RIN2: variants seen among roughly 807,000 people sequenced by gnomAD.
RIN2 encodes the protein Ras and Rab interactor 2.
RIN2 carries 36 observed loss-of-function variants against 78.0 expected under a neutral mutation model. That is an observed-to-expected ratio of 0.46 (90% confidence interval 0.35 to 0.61). RIN2 has a LOEUF of 0.61. RIN2 is among the 20% of genes least tolerant of loss of function. The pLI is 0.00. For synonymous variants in RIN2, 466 were observed against 466.8 expected (o/e 1.00, Z 0.02); for missense variants, 1,087 against 1,159.7 (o/e 0.94, Z 0.91).
intron 3 of RIN2, among the ~76,000 whole-genome samples, chr20:19,929,470 TC>T (rs2040358469): frequency 1.3e-5 from 2 of 152,166 alleles, no homozygotes; most frequent in Admixed American, 1.3e-4. Context: ...CAAGCGATTC[TC>T]CTCCCTCAGC....
chr20:19,875,890 G>C (rs1170112065), intron 2 of RIN2, among the ~76,000 whole-genome samples: 1 of 152,186 alleles, frequency 6.6e-6, no homozygotes, highest in Non-Finnish European at 1.5e-5. Flanking sequence ...TGAGTGCAGA[G>C]GATGGGAAGG....
intron 1 of RIN2, among the ~76,000 whole-genome samples, chr20:19,796,098 A>G (rs74702087): frequency 1.3e-5 from 2 of 151,690 alleles, no homozygotes; most frequent in Non-Finnish European, 2.9e-5. Context: ...AAAAAAAGAA[A>G]AGAAAAGAAA....
intron 1 of RIN2, among the ~76,000 whole-genome samples, chr20:19,771,468 A>G (rs1378058968): frequency 6.6e-6 from 1 of 152,000 alleles, no homozygotes; most frequent in African/African-American, 2.4e-5. Context: ...CCCGAACTCA[A>G]CCCCAACCCC....
chr20:19,898,319 G>A (rs2038829707), intron 3 of RIN2, among the ~76,000 whole-genome samples: 1 of 152,152 alleles, frequency 6.6e-6, no homozygotes, highest in Admixed American at 6.5e-5. Flanking sequence ...TCCCCTCAAT[G>A]ATGTATTTCT....
Position 19,937,437 on chromosome 20 carries a change from T to A in RIN2, c.158+2238T>A, listed in dbSNP as rs187014797. On this transcript the variant is annotated intron_variant, in intron 4 of 12. Coordinates refer to ENST00000255006, the MANE Select transcript of RIN2 (RefSeq NM_018993.4). ...TCTGCAGCTTCGTACTCTGTGAGTG[T>A]GAGCTGGGATAGGGAGTCGCCTATC... is the stretch of plus-strand genomic sequence containing the variant. Among the ~76,000 whole-genome samples, 316 of 152,312 alleles carry A rather than the reference T, an allele frequency of 2.1e-3. 1 individual carries two copies. The highest frequency in any genetic ancestry group is 1.1e-3 in the Non-Finnish European group (72 of 68,020).
chr20:19,840,549 G>A (rs548065794), intron 2 of RIN2, among the ~76,000 whole-genome samples: 2 of 152,278 alleles, frequency 1.3e-5, no homozygotes, highest in South Asian at 2.1e-4. Flanking sequence ...TGTTGACATA[G>A]CCTGTTCATG....
chr20:19,853,224 A>C (rs2037049955), intron 2 of RIN2, among the ~76,000 whole-genome samples: 1 of 151,690 alleles, frequency 6.6e-6, no homozygotes, highest in Non-Finnish European at 1.5e-5. Context: ...ATCCTTTTTT[A>C]TGGCTGCATA....
rs2146446736 is a variant in RIN2 at position 20,002,275 on chromosome 20, A to G, written c.*1339A>G. On this transcript the variant is annotated 3_prime_UTR_variant, in exon 13 of 13. Transcript: ENST00000255006. The stretch of plus-strand genomic sequence containing the variant: ...ATGTTATTGTACTGTGTAAAGATGC[A>G]TAGTCATCTCATTTGGTTGGCTTTG... The G allele has an allele frequency of 6.5e-6, 1 of 152,740 alleles. No homozygotes were observed. Among genetic ancestry groups the G allele is most frequent in the South Asian group, 2.1e-4 (1 of 4,832 alleles). The allele number at this position is 152,740 out of a possible 1,614,324, so 9.5% of individuals were successfully genotyped here.
At chr20:19,792,098 T>G (rs1353952090) in intron 1 of RIN2, among the ~76,000 whole-genome samples, 2 of 152,120 alleles carry the variant, frequency 1.3e-5, no homozygotes, top group Admixed American at 6.5e-5. Flanking sequence ...GTGGACAGTA[T>G]GAGCTGAAAG....
At chr20:19,780,880 T>TGA (rs2034478014) in intron 1 of RIN2, among the ~76,000 whole-genome samples, 1 of 152,258 alleles carries the variant, frequency 6.6e-6, no homozygotes, top group South Asian at 2.1e-4. Flanking sequence ...GCATTTGTGC[T>TGA]GTGGCTTTAC....
At chr20:19,769,984 C>A (rs545805694) in intron 1 of RIN2, among the ~76,000 whole-genome samples, 6 of 152,194 alleles carry the variant, frequency 3.9e-5, no homozygotes, top group African/African-American at 1.4e-4. Flanking sequence ...AAAGGAAAAG[C>A]GAATATTTTA....
chr20:19,864,926 C>G (rs1045524479), intron 2 of RIN2, among the ~76,000 whole-genome samples: 1 of 152,190 alleles, frequency 6.6e-6, no homozygotes, highest in African/African-American at 2.4e-5. Context: ...TTAACACTTT[C>G]TATAGCATTC....
At position 19,916,809 on chromosome 20, in the gene RIN2, C is replaced by T. The variant is rs550839455; in HGVS notation, c.58-18290C>T. Among the ~76,000 whole-genome samples the T allele has an allele frequency of 2.6e-5, 4 of 152,230 alleles. No individual in the cohort carries two copies. In the East Asian group the frequency reaches 7.7e-4, roughly 29 times the overall value. ...TAATGTGCTTCCACTGTTGTTCGAG[C>T]AGTAGTGTTTGTATTGAAATCGTGC... On this transcript the variant is annotated intron_variant, in intron 3 of 12. Transcript: ENST00000255006.
intron 2 of RIN2, among the ~76,000 whole-genome samples, chr20:19,826,180 A>T (rs2036084152): frequency 6.6e-6 from 1 of 152,210 alleles, no homozygotes; most frequent in African/African-American, 2.4e-5. Flanking sequence ...ACTCTGTAAA[A>T]GGAGGTGAGT....
intron 2 of RIN2, among the ~76,000 whole-genome samples, chr20:19,877,998 C>T (rs753143110): frequency 5.5e-4 from 83 of 152,066 alleles, no homozygotes; most frequent in Non-Finnish European, 1.5e-4. Context: ...CTAGTCTGGG[C>T]GACAGAGTAA....
chr20:19,975,259 C>T lies in RIN2; in HGVS notation c.1234C>T (p.Pro412Ser). The T allele has an allele frequency of 6.3e-7, 1 of 1,583,852 alleles. No homozygotes were observed. The highest frequency in any genetic ancestry group is 8.6e-7 in the Non-Finnish European group (1 of 1,165,258). ...EAAPGDCTRA[P>S]PPSSESRPPC... is the part of the protein sequence containing the mutation. ...CGCCCCGGGGGATTGCACAAGGGCC[C>T]CGCCGCCCAGCTCTGAATCACGGCC... The change falls in exon 9 of 13, where the codon CCG becomes TCG. Residue 412 changes from proline (P) to serine (S), a missense_variant. Pro to Ser is a moderately conservative substitution (Grantham distance 74). Coordinates refer to ENST00000255006, the MANE Select transcript of RIN2 (RefSeq NM_018993.4). This position sits in a 1 kb window ranked among gnomAD's most constrained non-coding sequence, Gnocchi z 4.9.
At chr20:19,867,025 A>G (rs1181016220) in intron 2 of RIN2, among the ~76,000 whole-genome samples, 1 of 151,620 alleles carries the variant, frequency 6.6e-6, no homozygotes, top group Non-Finnish European at 1.5e-5. Flanking sequence ...TTTTTGTTTA[A>G]TGGAATGCAT....
chr20:19,819,296 G>C (rs1010260978), intron 2 of RIN2, among the ~76,000 whole-genome samples: 1 of 152,222 alleles, frequency 6.6e-6, no homozygotes, highest in Admixed American at 6.5e-5. Context: ...ACACAGCAGA[G>C]AGAAGAAGAA....
chr20:19,909,436 A>G (rs438920), intron 3 of RIN2, among the ~76,000 whole-genome samples: 106,140 of 152,132 alleles, frequency 0.7, 38,208 homozygotes, highest in East Asian at 0.96. Flanking sequence ...TTACCTATAT[A>G]CTGAAATTGA....
Sources: allele counts gnomAD v4.1 joint callset (sites outside exome capture counted in the v4.1 genomes callset), GRCh38; gene constraint gnomAD v4.1.1; non-coding constraint Gnocchi (gnomAD v3.1); transcripts MANE v1.5; gene names NCBI Gene and HGNC (gene_info 2026-07-23, HGNC 2026-07-21).